Variants in CDYL2 observed in about 807,000 individuals in gnomAD.
CDYL2 encodes the protein chromodomain Y-like protein 2.
In CDYL2, 23 loss-of-function variants were observed where a neutral mutation model predicts 49.4. That is an observed-to-expected ratio of 0.47 (90% CI 0.34 to 0.66). CDYL2 has a LOEUF of 0.66. Ranked by LOEUF, CDYL2 falls within the 30% of genes least tolerant of loss-of-function variation. CDYL2 has a pLI of 0.01. For synonymous variants in CDYL2, 360 were observed against 268.8 expected (o/e 1.34, Z -3.32); for missense variants, 678 against 656.4 (o/e 1.03, Z -0.36).
intron 2 of CDYL2, among the ~76,000 whole-genome samples, chr16:80,681,839 A>C (rs1909979076): frequency 6.6e-6 from 1 of 152,244 alleles, no homozygotes; most frequent in African/African-American, 2.4e-5. Flanking sequence ...TATAAGTTTC[A>C]GAGGGAAAAG....
At chr16:80,774,494 C>T (rs1176294701) in intron 1 of CDYL2, among the ~76,000 whole-genome samples, 2 of 151,856 alleles carry the variant, frequency 1.3e-5, no homozygotes, top group African/African-American at 4.8e-5. Flanking sequence ...TGCACTGTGA[C>T]CACTGTTAAT....
chr16:80,643,310 G>A (rs1908185080), intron 2 of CDYL2, among the ~76,000 whole-genome samples: 1 of 152,228 alleles, frequency 6.6e-6, no homozygotes, highest in African/African-American at 2.4e-5. Context: ...CTCCACCCCT[G>A]TGGCTTTGCA....
At chr16:80,755,667 T>C (rs921520543) in intron 1 of CDYL2, among the ~76,000 whole-genome samples, 6 of 152,214 alleles carry the variant, frequency 3.9e-5, no homozygotes, top group Non-Finnish European at 7.3e-5. Flanking sequence ...AAAATGCTCA[T>C]CACAGAGTTA....
At chr16:80,701,517 T>C (rs1354504042) in intron 1 of CDYL2, among the ~76,000 whole-genome samples, 2 of 152,106 alleles carry the variant, frequency 1.3e-5, no homozygotes, top group Admixed American at 6.5e-5. Flanking sequence ...CTGGAACATA[T>C]CATGGGGAAA....
intron 3 of CDYL2, chr16:80,628,418 T>C (rs1345656861): frequency 1.3e-5 from 2 of 152,220 alleles, no homozygotes; most frequent in Non-Finnish European, 2.9e-5. Context: ...TTGTCATGAG[T>C]AGCCCTCAGA....
At chr16:80,773,675 TAAGA>T (rs1448753786) in intron 1 of CDYL2, among the ~76,000 whole-genome samples, 3 of 152,108 alleles carry the variant, frequency 2.0e-5, no homozygotes, top group Non-Finnish European at 4.4e-5. Flanking sequence ...GTTTGAAAAT[TAAGA>T]AATATACGTC....
chr16:80,767,764 T>C (rs1326508721), intron 1 of CDYL2, among the ~76,000 whole-genome samples: 1 of 152,160 alleles, frequency 6.6e-6, no homozygotes, highest in Non-Finnish European at 1.5e-5. Context: ...ATTCTGCCAA[T>C]ATTCACTGGG....
intron 1 of CDYL2, among the ~76,000 whole-genome samples, chr16:80,780,422 GCAGA>G (rs1222994285): frequency 4.9e-5 from 1 of 20,556 alleles, no homozygotes; most frequent in African/African-American, 2.4e-4. Flanking sequence ...TTTTTTTTTT[GCAGA>G]CAGAGTCTTG....
At chr16:80,699,672 T>C (rs909946734) in intron 1 of CDYL2, among the ~76,000 whole-genome samples, 1 of 152,256 alleles carries the variant, frequency 6.6e-6, no homozygotes, top group Non-Finnish European at 1.5e-5. Flanking sequence ...GGATTTTTAC[T>C]ATTCTCAACA....
At chr16:80,758,092 A>G (rs1226908015) in intron 1 of CDYL2, among the ~76,000 whole-genome samples, 2 of 152,312 alleles carry the variant, frequency 1.3e-5, no homozygotes, top group East Asian at 1.9e-4. Flanking sequence ...GAAAAAAATC[A>G]AAAGTCCAGA....
intron 1 of CDYL2, among the ~76,000 whole-genome samples, chr16:80,749,232 C>G (rs966304420): frequency 3.3e-5 from 5 of 152,106 alleles, no homozygotes; most frequent in Non-Finnish European, 5.9e-5. Flanking sequence ...CAGAACACAA[C>G]TGAATACCTA....
intron 2 of CDYL2, chr16:80,671,053 C>T: frequency 2.2e-6 from 1 of 453,418 alleles, no homozygotes; most frequent in South Asian, 1.6e-5. Flanking sequence ...GCATCCCTGA[C>T]CCCAGTGGAG....
At chr16:80,675,931 G>A (rs892836900) in intron 2 of CDYL2, among the ~76,000 whole-genome samples, 1 of 152,186 alleles carries the variant, frequency 6.6e-6, no homozygotes, top group African/African-American at 2.4e-5. Flanking sequence ...GAAAACGACA[G>A]CTGAGCAGGT....
chr16:80,745,668 G>A (rs1020441349), intron 1 of CDYL2, among the ~76,000 whole-genome samples: 2 of 152,130 alleles, frequency 1.3e-5, no homozygotes, highest in Non-Finnish European at 2.9e-5. Flanking sequence ...ATGACAGTGC[G>A]CAAGTTATCA....
At chr16:80,768,971 TCTGGCCACCAGC>T in intron 1 of CDYL2, among the ~76,000 whole-genome samples, 1 of 152,194 alleles carries the variant, frequency 6.6e-6, no homozygotes. Flanking sequence ...CAAAAACAAG[TCTGGCCACCAGC>T]CTCCTACTTG....
At chr16:80,804,105 G>A (rs1908021160) in intron 1 of CDYL2, 45 bp downstream of exon 1, 6 of 1,011,232 alleles carry the variant, frequency 5.9e-6, no homozygotes, top group Non-Finnish European at 7.1e-6. Context: ...GCCGCCCGCC[G>A]CCGCCCGCTG....
chr16:80,800,123 G>T (rs1347277879), intron 1 of CDYL2, among the ~76,000 whole-genome samples: 1 of 152,196 alleles, frequency 6.6e-6, no homozygotes, highest in African/African-American at 2.4e-5. Flanking sequence ...TCAGAACAAA[G>T]CTGGAAATGC....
At chr16:80,695,122 A>C (rs1214939183) in intron 1 of CDYL2, among the ~76,000 whole-genome samples, 2 of 152,280 alleles carry the variant, frequency 1.3e-5, no homozygotes, top group Non-Finnish European at 2.9e-5. Flanking sequence ...AAATCTGGCC[A>C]GATGTTTGTT....
chr16:80,614,378 C>A (rs1173852277), intron 4 of CDYL2, among the ~76,000 whole-genome samples: 3 of 152,206 alleles, frequency 2.0e-5, no homozygotes, highest in Non-Finnish European at 4.4e-5. Context: ...GTCCTCCAAG[C>A]CCATTCATCT....
Sources: allele counts gnomAD v4.1 joint callset (sites outside exome capture counted in the v4.1 genomes callset), GRCh38; gene constraint gnomAD v4.1.1; transcripts MANE v1.5; gene names NCBI Gene and HGNC (gene_info 2026-07-23, HGNC 2026-07-21).